Variants in RFC3 observed in about 807,000 individuals in gnomAD.
RFC3 encodes the protein A1 38 kDa subunit.
A neutral mutation model predicts 45.1 loss-of-function variants in RFC3; 41 were observed. That is an observed-to-expected ratio of 0.91 (90% CI 0.71 to 1.18). RFC3 has a LOEUF of 1.18. Among genes scored for constraint, RFC3 ranks in the 50% most tolerant of loss-of-function variants. The probability of loss-of-function intolerance (pLI) is 0.00; values close to 1 mark genes in which losing one functional copy is unlikely to be tolerated. For synonymous variants in RFC3, 149 were observed against 144.0 expected, an observed-to-expected ratio of 1.03 and a Z score of -0.25; for missense variants, 423 against 428.1, an observed-to-expected ratio of 0.99 and a Z score of 0.10.
At chr13:33,921,714 G>A (rs1343316443) in intron 8 of RFC3, among the ~76,000 whole-genome samples, 1 of 152,034 alleles carries the variant, frequency 6.6e-6, no homozygotes, top group Non-Finnish European at 1.5e-5. Flanking sequence ...AGCCCTGGGA[G>A]GGAACAAAGA....
intron 8 of RFC3, among the ~76,000 whole-genome samples, chr13:33,923,708 A>G (rs2082784124): frequency 6.6e-6 from 1 of 152,062 alleles, no homozygotes; most frequent in South Asian, 2.1e-4. Context: ...GAGGCCAGGA[A>G]CCAGGGTCTG....
chr13:33,819,842 C>A (rs1034286119), intron 1 of RFC3, among the ~76,000 whole-genome samples: 4 of 152,118 alleles, frequency 2.6e-5, no homozygotes, highest in Admixed American at 2.0e-4. Flanking sequence ...CTTAATCAAA[C>A]TATGAAACAT....
In RFC3 at chr13:33,944,472, G is replaced by T. The variant is rs2082943271; in HGVS notation, c.880-21615G>T. Among the ~76,000 whole-genome samples the T allele has an allele frequency of 1.3e-5, 2 of 152,136 alleles. 1 individual carries two copies. Among genetic ancestry groups the T allele is most frequent in the South Asian group, 4.1e-4 (2 of 4,830 alleles). On this transcript the variant is annotated intron_variant, in intron 8 of 8. Transcript: ENST00000434425. ...CTTTTAGGTGAAGGAAAGAATGCAAGGATGTGGAACCCATTTAGTCACACA... is the reference window on the plus strand; with the variant it reads ...CTTTTAGGTGAAGGAAAGAATGCAATGATGTGGAACCCATTTAGTCACACA...
intron 8 of RFC3, among the ~76,000 whole-genome samples, chr13:33,865,723 G>T (rs780478323): frequency 4.6e-5 from 7 of 152,268 alleles, no homozygotes; most frequent in Non-Finnish European, 8.8e-5. Context: ...TAAAACCTAG[G>T]TTCTACAGAG....
chr13:33,860,864 C>G (rs2082336544), intron 8 of RFC3, among the ~76,000 whole-genome samples: 1 of 151,810 alleles, frequency 6.6e-6, no homozygotes, highest in African/African-American at 2.4e-5. Flanking sequence ...AGCCAAATCC[C>G]TTTTTTTCCC....
intron 1 of RFC3, 48 bp from the exon 2 acceptor site, chr13:33,821,084 G>A (rs201493039): frequency 8.3e-4 from 1,330 of 1,605,414 alleles, no homozygotes; most frequent in Non-Finnish European, 9.2e-4. Flanking sequence ...GTTCTACCTA[G>A]AGCAGTTCAG....
chr13:33,943,986 G>T (rs2082939975), intron 8 of RFC3, among the ~76,000 whole-genome samples: 1 of 152,080 alleles, frequency 6.6e-6, no homozygotes. Context: ...TAATTGACCT[G>T]CTTCTAGTCA....
chr13:33,829,619 A>G (rs1194348066), intron 4 of RFC3: 3 of 555,350 alleles, frequency 5.4e-6, no homozygotes, highest in Non-Finnish European at 6.3e-6. Flanking sequence ...AAGGCAAAAT[A>G]TTTATATGAT....
chr13:33,874,175 TAAC>T, intron 8 of RFC3, among the ~76,000 whole-genome samples: 1 of 152,324 alleles, frequency 6.6e-6, no homozygotes. Flanking sequence ...ATGAGCTAAA[TAAC>T]AACATGCCAT....
intron 8 of RFC3, among the ~76,000 whole-genome samples, chr13:33,956,880 C>CT (rs1336404842): frequency 6.6e-6 from 1 of 152,142 alleles, no homozygotes; most frequent in Non-Finnish European, 1.5e-5. Context: ...GTACATCTCT[C>CT]TTTTTTCCTT....
chr13:33,895,312 A>G (rs969417993), intron 8 of RFC3, among the ~76,000 whole-genome samples: 2 of 152,210 alleles, frequency 1.3e-5, no homozygotes, highest in Non-Finnish European at 2.9e-5. Context: ...AAATAATCCC[A>G]TCAAAAAGTG....
intron 4 of RFC3, among the ~76,000 whole-genome samples, chr13:33,826,662 ATG>A (rs2082051871): frequency 2.0e-5 from 3 of 150,558 alleles, no homozygotes; most frequent in Non-Finnish European, 4.4e-5. Flanking sequence ...TGTTTTATAT[ATG>A]TGAGTTACTA....
chr13:33,883,897 C>T lies in RFC3; in HGVS notation c.879+48680C>T, dbSNP rs116944894. ...AACAAATCCACATGACACACGTTTA[C>T]GTATGTAACAAACCCGCACTTGTAC... On this transcript the variant is annotated intron_variant, in intron 8 of 8. Coordinates refer to the RFC3 transcript ENST00000434425. 1.0e-3 allele frequency among the ~76,000 whole-genome samples: 157 copies of T among 152,018 alleles called. 5 individuals carry two copies. In the East Asian group the frequency reaches 0.025, roughly 24 times the overall value.
rs768651057 is a variant in RFC3, at chr13:33,835,404, G to A, written c.879+187G>A. The A allele has an allele frequency of 1.2e-5, 9 of 733,222 alleles. No homozygotes were observed. In the Admixed American group the frequency reaches 1.4e-4, roughly 11 times the overall value. 45.4% of individuals were successfully genotyped at this position (733,222 alleles called of 1,614,324 possible). A position where few individuals can be genotyped will look rare whatever the true frequency, so the allele number is the denominator to read the frequency against. On this transcript the variant is annotated intron_variant, in intron 8 of 8. Coordinates refer to ENST00000380071, the MANE Select transcript of RFC3 (RefSeq NM_002915.4). ...GGAATGCTGAAGAAAAGAAGGGAGG[G>A]CCTGCCTAAAGTGAAGTTATATTCT...
chr13:33,929,751 A>G (rs1481040458), intron 8 of RFC3, among the ~76,000 whole-genome samples: 11 of 152,028 alleles, frequency 7.2e-5, no homozygotes, highest in African/African-American at 2.4e-4. Flanking sequence ...CTGCATTTTC[A>G]TAAGTAATTT....
At chr13:33,913,726 T>C (rs1387882135) in intron 8 of RFC3, among the ~76,000 whole-genome samples, 1 of 152,104 alleles carries the variant, frequency 6.6e-6, no homozygotes, top group Admixed American at 6.6e-5. Flanking sequence ...TGTTTGTCAA[T>C]AGTGAGCCCT....
At chr13:33,905,623 A>C (rs17080125) in intron 8 of RFC3, among the ~76,000 whole-genome samples, 1 of 151,982 alleles carries the variant, frequency 6.6e-6, no homozygotes, top group African/African-American at 2.4e-5. Flanking sequence ...CTTCCCCTAT[A>C]ATAGTCAATG....
chr13:33,946,140 A>G (rs1220316537), intron 8 of RFC3, among the ~76,000 whole-genome samples: 1 of 152,208 alleles, frequency 6.6e-6, no homozygotes, highest in Admixed American at 6.5e-5. Flanking sequence ...GTAGAGTACA[A>G]TTGCTGTGTT....
chr13:33,934,794 T>G (rs2082875785), intron 8 of RFC3, among the ~76,000 whole-genome samples: 1 of 152,162 alleles, frequency 6.6e-6, no homozygotes, highest in African/African-American at 2.4e-5. Context: ...ACTTTTTTCT[T>G]TCTAAATGCA....
Sources: allele counts gnomAD v4.1 joint callset (sites outside exome capture counted in the v4.1 genomes callset), GRCh38; gene constraint gnomAD v4.1.1; transcripts MANE v1.5; gene names NCBI Gene and HGNC (gene_info 2026-07-23, HGNC 2026-07-21).